ANKRD13D: variants seen among roughly 807,000 people sequenced by gnomAD.
ANKRD13D encodes the protein ankyrin repeat domain-containing protein 13D.
A neutral mutation model predicts 68.8 loss-of-function variants in ANKRD13D; 24 were observed. The observed-to-expected ratio is 0.35, with a 90% confidence interval of 0.25 to 0.49. The LOEUF is 0.49. ANKRD13D is among the 20% of genes least tolerant of loss of function. ANKRD13D has a pLI of 0.99. For synonymous variants in ANKRD13D, 331 were observed against 336.1 expected, an observed-to-expected ratio of 0.98 and a Z score of 0.16; for missense variants, 735 against 832.1, an observed-to-expected ratio of 0.88 and a Z score of 1.44.
intron 6 of ANKRD13D, among the ~76,000 whole-genome samples, chr11:67,293,610 A>C (rs1270669451): frequency 6.6e-6 from 1 of 152,204 alleles, no homozygotes; most frequent in Non-Finnish European, 1.5e-5. Flanking sequence ...CAAGTGATCT[A>C]AGTAGCTGGG....
chr11:67,292,097 G>A lies in ANKRD13D; in HGVS notation c.648G>A (p.Arg216=). The A allele has an allele frequency of 6.2e-7, 1 of 1,612,654 alleles. No homozygotes were observed. ...CCGAAACACTGCTGGCCGCCATGCG[G>A]CCCAGCGAGGAGCATGTGGCCAGTC... ...QEPETLLAAM[R]PSEEHVASRL... Residue 216 remains arginine, a synonymous_variant, in exon 6 of 15, where the codon CGG becomes CGA. Coordinates refer to ENST00000511455, the MANE Select transcript of ANKRD13D (RefSeq NM_207354.3).
chr11:67,289,630 C>T lies in ANKRD13D; in HGVS notation c.90+80C>T, dbSNP rs1170284221. ...TGGCCTCCGTCCTGGAGCCCCCCCC[C>T]CCCCCCCGCCCGCTCAGCTCCGCAG... On this transcript the variant is annotated intron_variant, in intron 1 of 14. Transcript: ENST00000511455. 6.6e-5 allele frequency: 77 copies of T among 1,164,486 alleles called. 1 individual carries two copies. Among genetic ancestry groups the T allele is most frequent in the Non-Finnish European group, 7.4e-5 (66 of 894,028 alleles). The allele number at this position is 1,164,486 out of a possible 1,614,324, so 72.1% of individuals were successfully genotyped here.
chr11:67,300,964 C>T lies in ANKRD13D; in HGVS notation c.1074-26C>T. Reference sequence around the variant, plus strand: ...TGGAAGGGCCACCAGCCGTGCCTCACCCATGTCCTGTGGTCGGCTGGGCAG... The same window carrying T: ...TGGAAGGGCCACCAGCCGTGCCTCATCCATGTCCTGTGGTCGGCTGGGCAG... On this transcript the variant is annotated intron_variant, in intron 10 of 14. Coordinates refer to ENST00000511455, the MANE Select transcript of ANKRD13D (RefSeq NM_207354.3). This position sits in a 1 kb window ranked among gnomAD's most constrained non-coding sequence, Gnocchi z 4.3. The T allele has an allele frequency of 5.0e-6, 8 of 1,612,524 alleles. No homozygotes were observed. Among genetic ancestry groups the T allele is most frequent in the Non-Finnish European group, 6.8e-6 (8 of 1,179,372 alleles).
chr11:67,300,659 G>A lies in ANKRD13D; in HGVS notation c.1074-331G>A, dbSNP rs965528817. ...ATAAAAGTTTGGCAACACGTGAGCT[G>A]GTGACCAGCTCTGGGCTGAGGAGGA... On this transcript the variant is annotated intron_variant, in intron 10 of 14. Transcript: ENST00000511455. This position sits in a 1 kb window ranked among gnomAD's most constrained non-coding sequence, Gnocchi z 4.3. The A allele has an allele frequency of 2.1e-5, 10 of 470,222 alleles. 1 individual carries two copies. In the South Asian group the frequency reaches 4.5e-4, roughly 21 times the overall value. 29.1% of individuals were successfully genotyped at this position (470,222 alleles called of 1,614,324 possible).
intron 1 of ANKRD13D, 71 bp downstream of exon 1, chr11:67,289,621 G>GGCCCCCCCCCCC: frequency 1.2e-6 from 1 of 807,412 alleles, no homozygotes. Flanking sequence ...CCGTCCTGGA[G>GGCCCCCCCCCCC]CCCCCCCCCC....
chr11:67,301,156 C>T lies in ANKRD13D; in HGVS notation c.1231+9C>T, dbSNP rs767277128. Reference sequence around the variant, plus strand: ...CTTCCCCGTCAAAATTGGTGAGAGGCTGGGCACAGGCAGCGGGAGGACCTC... The same window carrying T: ...CTTCCCCGTCAAAATTGGTGAGAGGTTGGGCACAGGCAGCGGGAGGACCTC... On this transcript the variant is annotated intron_variant, in intron 11 of 14. Coordinates refer to ENST00000511455, the MANE Select transcript of ANKRD13D (RefSeq NM_207354.3). This position sits in a 1 kb window ranked among gnomAD's most constrained non-coding sequence, Gnocchi z 4.5. 12 of 1,612,766 alleles carry T rather than the reference C, an allele frequency of 7.4e-6. No individual in the cohort carries two copies. In the South Asian group the frequency reaches 1.2e-4, roughly 16 times the overall value.
Position 67,300,157 on chromosome 11 carries a change from G to A in ANKRD13D, c.1073+34G>A, listed in dbSNP as rs183978405. The stretch of plus-strand genomic sequence containing the variant: ...TGAGAGCTGGCTGGGGACTTGCCTC[G>A]GGACAAGGGCTCTTGCAGACCCCTC... On this transcript the variant is annotated intron_variant, in intron 10 of 14. Transcript: ENST00000511455. This position sits in a 1 kb window ranked among gnomAD's most constrained non-coding sequence, Gnocchi z 4.3. The A allele has an allele frequency of 4.2e-5, 68 of 1,612,042 alleles. No individual in the cohort carries two copies. Among genetic ancestry groups the A allele is most frequent in the East Asian group, 8.9e-5 (4 of 44,864 alleles).
intron 3 of ANKRD13D, chr11:67,290,667 C>G (rs1860497483): frequency 1.6e-6 from 1 of 606,102 alleles, no homozygotes; most frequent in African/African-American, 1.8e-5. Context: ...GAAGCCTTGC[C>G]AGCTTTGGGC....
Position 67,300,844 on chromosome 11 carries a change from G to C in ANKRD13D, c.1074-146G>C. 1 of 1,017,660 alleles carries C rather than the reference G, an allele frequency of 9.8e-7. No individual in the cohort carries two copies. The allele number at this position is 1,017,660 out of a possible 1,614,324, so 63.0% of individuals were successfully genotyped here. On this transcript the variant is annotated intron_variant, in intron 10 of 14. Transcript: ENST00000511455. The surrounding 1 kb of genome is among the most constrained non-coding windows in gnomAD (Gnocchi z 4.3). ...GTGGCCAGGACACCAGCTCCCGGGG[G>C]AGGCGGGCAGCGGCATCTGAGCAGA... is the stretch of plus-strand genomic sequence containing the variant.
At chr11:67,293,975 C>T (rs1451116792) in intron 6 of ANKRD13D, among the ~76,000 whole-genome samples, 3 of 152,222 alleles carry the variant, frequency 2.0e-5, no homozygotes, top group African/African-American at 4.8e-5. Flanking sequence ...TCCTAGCCCC[C>T]TTTGTTGAAA....
At chr11:67,291,293 G>A in intron 3 of ANKRD13D, 183 bp from the exon 4 acceptor site, 9 of 642,424 alleles carry the variant, frequency 1.4e-5, no homozygotes, top group Non-Finnish European at 2.1e-5. Context: ...GGGAGGCAGA[G>A]GTTGCAGTGA....
chr11:67,301,237 C>T lies in ANKRD13D; in HGVS notation c.1232-45C>T. The T allele has an allele frequency of 6.3e-7, 1 of 1,596,426 alleles. No individual in the cohort carries two copies. The highest frequency in any genetic ancestry group is 1.7e-4 in the Middle Eastern group (1 of 5,984). ...TGGAGAGCTGCAGGGGCCGGAGGCACAGGTGGCTCTCCGCCAGGGCTCAGG... is the reference window on the plus strand; with the variant it reads ...TGGAGAGCTGCAGGGGCCGGAGGCATAGGTGGCTCTCCGCCAGGGCTCAGG... On this transcript the variant is annotated intron_variant, in intron 11 of 14. Transcript: ENST00000511455. The surrounding 1 kb of genome is among the most constrained non-coding windows in gnomAD (Gnocchi z 4.5).
chr11:67,296,949 C>T (rs532235919), intron 6 of ANKRD13D, among the ~76,000 whole-genome samples: 6 of 152,176 alleles, frequency 3.9e-5, no homozygotes, highest in Non-Finnish European at 5.9e-5. Flanking sequence ...TTTTGCCCAC[C>T]GTGGTCAACC....
chr11:67,298,865 A>G, intron 6 of ANKRD13D, 193 bp from the exon 7 acceptor site: 1 of 613,482 alleles, frequency 1.6e-6, no homozygotes. Flanking sequence ...AGTGTCTTCT[A>G]GTCCCAAGTC....
intron 1 of ANKRD13D, 138 bp downstream of exon 1, chr11:67,289,688 C>A (rs1860451861): frequency 7.7e-7 from 1 of 1,305,834 alleles, no homozygotes; most frequent in African/African-American, 1.6e-5. Flanking sequence ...CTGCACGATC[C>A]CAAGCCCAGG....
rs758309691 is a variant in ANKRD13D, at chr11:67,300,950, C to T, written c.1074-40C>T. ...AGGGCAGTCCTCAATGGAAGGGCCA[C>T]CAGCCGTGCCTCACCCATGTCCTGT... On this transcript the variant is annotated intron_variant, in intron 10 of 14. Coordinates refer to ENST00000511455, the MANE Select transcript of ANKRD13D (RefSeq NM_207354.3). The surrounding 1 kb of genome is among the most constrained non-coding windows in gnomAD (Gnocchi z 4.3). 3 of 1,608,510 alleles carry T rather than the reference C, an allele frequency of 1.9e-6. No homozygotes were observed. Among genetic ancestry groups the T allele is most frequent in the Non-Finnish European group, 2.5e-6 (3 of 1,177,364 alleles).
Position 67,289,434 on chromosome 11 carries a change from G to A in ANKRD13D, c.-27G>A. 1 of 1,425,100 alleles carries A rather than the reference G, an allele frequency of 7.0e-7. No homozygotes were observed. The highest frequency in any genetic ancestry group is 9.1e-7 in the Non-Finnish European group (1 of 1,095,322). The allele number at this position is 1,425,100 out of a possible 1,614,324, so 88.3% of individuals were successfully genotyped here. On this transcript the variant is annotated 5_prime_UTR_variant, in exon 1 of 15. Coordinates refer to ENST00000511455, the MANE Select transcript of ANKRD13D (RefSeq NM_207354.3). Reference sequence around the variant, plus strand: ...CGTGCCAGGCCCGAAGCCGAGGCGGGGCCGGGATGCGGCGCTGAGGCCCAG... The same window carrying A: ...CGTGCCAGGCCCGAAGCCGAGGCGGAGCCGGGATGCGGCGCTGAGGCCCAG...
rs1053226291 is a variant in ANKRD13D at position 67,289,711 on chromosome 11, C to T, written c.90+161C>T. ...TCCCAAGCCCAGGTCACCGGCCCCTCGCGCCTGAGCCTCTGGCCTCCTCTC... is the reference window on the plus strand; with the variant it reads ...TCCCAAGCCCAGGTCACCGGCCCCTTGCGCCTGAGCCTCTGGCCTCCTCTC... On this transcript the variant is annotated intron_variant, in intron 1 of 14. Transcript: ENST00000511455. 9.6e-6 allele frequency: 13 copies of T among 1,352,404 alleles called. No homozygotes were observed. In the East Asian group the frequency reaches 3.2e-4, roughly 33 times the overall value. 83.8% of individuals were successfully genotyped at this position (1,352,404 alleles called of 1,614,324 possible).
At chr11:67,295,284 G>A (rs1452983826) in intron 6 of ANKRD13D, among the ~76,000 whole-genome samples, 1 of 152,140 alleles carries the variant, frequency 6.6e-6, no homozygotes, top group Non-Finnish European at 1.5e-5. Context: ...AGGCTTGGTG[G>A]CGGGCGCCTG....
Sources: gnomAD v4.1 joint callset for allele counts (sites outside exome capture counted in the v4.1 genomes callset) on GRCh38, gnomAD v4.1.1 for gene constraint, Gnocchi (gnomAD v3.1) non-coding constraint, MANE v1.5 for transcripts, NCBI Gene and HGNC (gene_info 2026-07-23, HGNC 2026-07-21) for gene names.